The following ROBO2 variants were observed in gnomAD, a reference collection of about 807,000 sequenced individuals.
ROBO2 encodes roundabout homolog 2.
In ROBO2, 53 loss-of-function variants were observed where a neutral mutation model predicts 160.8. The ratio of observed to expected loss-of-function variants is 0.33; its 90% CI spans 0.26 to 0.41. ROBO2 has a LOEUF of 0.41. Ranked by LOEUF, ROBO2 falls within the 10% of genes least tolerant of loss-of-function variation. The pLI is 1.00. For missense variants in ROBO2, 1,577 were observed against 1,722.4 expected (o/e 0.92, Z 1.49); for synonymous variants, 664 against 611.7 (o/e 1.09, Z -1.26).
chr3:77,626,409 T>G (rs947303710), intron 23 of ROBO2, among the ~76,000 whole-genome samples: 2 of 152,228 alleles, frequency 1.3e-5, no homozygotes, highest in Non-Finnish European at 2.9e-5. Flanking sequence ...TTGTAATCTA[T>G]GCTCATAATG....
intron 2 of ROBO2, among the ~76,000 whole-genome samples, chr3:76,135,740 A>G (rs989461141): frequency 1.3e-5 from 2 of 152,138 alleles, no homozygotes; most frequent in East Asian, 1.9e-4. Flanking sequence ...CATGACTTCA[A>G]ATTTCCTTTT....
At chr3:76,284,463 G>A (rs1222382119) in intron 2 of ROBO2, among the ~76,000 whole-genome samples, 2 of 152,052 alleles carry the variant, frequency 1.3e-5, no homozygotes, top group African/African-American at 4.8e-5. Context: ...ATCTCCCATT[G>A]TCTTATTTCA....
intron 2 of ROBO2, among the ~76,000 whole-genome samples, chr3:76,614,189 G>A (rs13083346): frequency 0.87 from 132,597 of 152,032 alleles, 59,181 homozygotes; most frequent in East Asian, 0.98. Context: ...TTTACATATA[G>A]CAAATACATT....
rs1183955167 is a variant in ROBO2 at position 75,929,171 on chromosome 3, ACGTG to A, written c.-13-8309_-13-8306del. On this transcript the variant is annotated intron_variant, in intron 1 of 26. Transcript: ENST00000487694. ...AACATGAGATCTGCAGCTGGATAAG[ACGTG>A]TGTGTGTGTGTGTGTGTGTGTGTGT... is the stretch of plus-strand genomic sequence containing the variant. Among the ~76,000 whole-genome samples the A allele has an allele frequency of 9.2e-3, 741 of 80,712 alleles. 45 individuals carry two copies. The highest frequency in any genetic ancestry group is 0.04 in the African/African-American group (714 of 17,770). 53.0% of individuals were successfully genotyped at this position (80,712 alleles called of 152,430 possible).
chr3:76,638,145 A>T (rs572237205), intron 2 of ROBO2, among the ~76,000 whole-genome samples: 1 of 152,294 alleles, frequency 6.6e-6, no homozygotes, highest in Admixed American at 6.5e-5. Flanking sequence ...ATCCTGCCTA[A>T]ATAACCATCT....
At chr3:76,203,095 C>T (rs753852899) in intron 2 of ROBO2, among the ~76,000 whole-genome samples, 15 of 152,090 alleles carry the variant, frequency 9.9e-5, no homozygotes, top group Non-Finnish European at 1.8e-4. Context: ...AAAATTCAGC[C>T]GCAGGCAAAA....
At chr3:75,926,580 G>A (rs71315324) in intron 1 of ROBO2, among the ~76,000 whole-genome samples, 16,179 of 152,138 alleles carry the variant, frequency 0.11, 931 homozygotes, top group South Asian at 0.13. Context: ...GAATTCATGT[G>A]CTCAGGTACA....
intron 2 of ROBO2, among the ~76,000 whole-genome samples, chr3:76,729,368 C>G (rs1331289431): frequency 1.1e-4 from 17 of 151,930 alleles, no homozygotes. Context: ...TGGGAATACT[C>G]TCTCCCCTTT....
At chr3:77,480,083 G>C (rs1217796955) in intron 3 of ROBO2, among the ~76,000 whole-genome samples, 1 of 152,102 alleles carries the variant, frequency 6.6e-6, no homozygotes, top group African/African-American at 2.4e-5. Flanking sequence ...ATTGAGAACA[G>C]GTTAATGGTC....
chr3:76,099,452 T>C (rs1035436603), intron 2 of ROBO2, among the ~76,000 whole-genome samples: 4 of 152,152 alleles, frequency 2.6e-5, no homozygotes, highest in Non-Finnish European at 5.9e-5. Flanking sequence ...TTCTAAGGCA[T>C]GTATTTCTTG....
intron 2 of ROBO2, among the ~76,000 whole-genome samples, chr3:76,670,270 C>T (rs1194839753): frequency 6.7e-6 from 1 of 149,194 alleles, no homozygotes; most frequent in Non-Finnish European, 1.5e-5. Context: ...ATGAATTTCC[C>T]TGGTTTTAAT....
At chr3:76,019,853 G>A (rs954655717) in intron 2 of ROBO2, among the ~76,000 whole-genome samples, 68 of 149,112 alleles carry the variant, frequency 4.6e-4, no homozygotes, top group African/African-American at 1.6e-3. Context: ...TGTGTTCCTT[G>A]GAATTGGCTA....
At chr3:76,326,315 A>AG (rs1348333176) in intron 2 of ROBO2, among the ~76,000 whole-genome samples, 2 of 152,178 alleles carry the variant, frequency 1.3e-5, no homozygotes, top group Non-Finnish European at 2.9e-5. Flanking sequence ...TAGTCACTTT[A>AG]GTTCTACACT....
At chr3:76,737,973 A>G (rs2107982533) in intron 2 of ROBO2, among the ~76,000 whole-genome samples, 1 of 152,080 alleles carries the variant, frequency 6.6e-6, no homozygotes, top group South Asian at 2.1e-4. Context: ...CCTCTACAAA[A>G]AAATACAAAA....
intron 2 of ROBO2, among the ~76,000 whole-genome samples, chr3:76,011,038 T>G (rs949071084): frequency 6.6e-6 from 1 of 152,196 alleles, no homozygotes; most frequent in Non-Finnish European, 1.5e-5. Context: ...TATTGTTTTT[T>G]AACCTTGGGT....
intron 2 of ROBO2, among the ~76,000 whole-genome samples, chr3:77,447,463 T>A (rs527258060): frequency 7.6e-4 from 116 of 152,264 alleles, no homozygotes; most frequent in Admixed American, 2.9e-3. Flanking sequence ...ATTTAACTTT[T>A]TATATACTAA....
chr3:76,754,134 A>G (rs899521610), intron 2 of ROBO2, among the ~76,000 whole-genome samples: 8 of 151,942 alleles, frequency 5.3e-5, no homozygotes, highest in African/African-American at 1.9e-4. Context: ...GAAAGAAAAT[A>G]TACTTTCATT....
Position 76,129,069 on chromosome 3 carries a change from AAAAG to A in ROBO2, c.109+191471_109+191474del, listed in dbSNP as rs533815701. The stretch of plus-strand genomic sequence containing the variant: ...AGGAGTTTGTCATTTCAAAAAAAAA[AAAAG>A]AAACTCAAGATCTGGGGACATTTTT... On this transcript the variant is annotated intron_variant, in intron 2 of 26. Coordinates refer to the ROBO2 transcript ENST00000487694. Among the ~76,000 whole-genome samples, 47 of 152,176 alleles carry A rather than the reference AAAAG, an allele frequency of 3.1e-4. 1 individual carries two copies. The South Asian group carries it at 7.0e-3, about 23-fold the overall frequency.
At chr3:76,682,210 A>G (rs1560368026) in intron 2 of ROBO2, among the ~76,000 whole-genome samples, 1 of 152,122 alleles carries the variant, frequency 6.6e-6, no homozygotes, top group East Asian at 1.9e-4. Context: ...CAAGAATGAC[A>G]GTTTTGAACC....
Sources: gnomAD v4.1 joint callset for allele counts (sites outside exome capture counted in the v4.1 genomes callset) on GRCh38, gnomAD v4.1.1 for gene constraint, MANE v1.5 for transcripts, NCBI Gene and HGNC (gene_info 2026-07-23, HGNC 2026-07-21) for gene names.